FER1L6: variants seen among roughly 807,000 people sequenced by gnomAD.
The protein encoded by FER1L6 is fer-1-like protein 6.
A neutral mutation model predicts 219.2 loss-of-function variants in FER1L6; 177 were observed. The observed-to-expected ratio is 0.81, with a 90% CI of 0.71 to 0.91. The LOEUF is 0.91. FER1L6 is among the 40% of genes least tolerant of loss of function. FER1L6 has a pLI of 0.00. For missense variants in FER1L6, 2,153 were observed against 2,259.9 expected, an observed-to-expected ratio of 0.95 and a Z score of 0.96; for synonymous variants, 768 against 824.3, an observed-to-expected ratio of 0.93 and a Z score of 1.17.
At chr8:124,066,331 TG>T in intron 26 of FER1L6, 96 bp from the exon 27 acceptor site, 1 of 1,402,576 alleles carries the variant, frequency 7.1e-7, no homozygotes, top group Non-Finnish European at 9.7e-7. Context: ...TGTTTTCCAG[TG>T]GACACCTAAA....
chr8:123,923,362 C>T (rs1460007506), intron 1 of FER1L6, among the ~76,000 whole-genome samples: 1 of 152,186 alleles, frequency 6.6e-6, no homozygotes, highest in African/African-American at 2.4e-5. Flanking sequence ...CTTTGATGCC[C>T]TTGCTTTTTC....
chr8:123,898,413 T>C (rs1812785554), intron 1 of FER1L6, among the ~76,000 whole-genome samples: 1 of 151,840 alleles, frequency 6.6e-6, no homozygotes, highest in Non-Finnish European at 1.5e-5. Flanking sequence ...GTACCATATT[T>C]GTAGTCTTTT....
chr8:123,915,945 A>G (rs16893052), intron 1 of FER1L6, among the ~76,000 whole-genome samples: 25,503 of 152,172 alleles, frequency 0.17, 2,285 homozygotes, highest in African/African-American at 0.24. Flanking sequence ...GAGAATGACA[A>G]GTTCAGTAAA....
chr8:124,023,536 T>G lies in FER1L6; in HGVS notation c.2226T>G (p.Tyr742Ter). 4 of 1,614,206 alleles carry G rather than the reference T, an allele frequency of 2.5e-6. No homozygotes were observed. In the Middle Eastern group the frequency reaches 4.9e-4, roughly 200 times the overall value. ...YARIASKDLL[Y>*]SPVAGQMGKH... is the part of the protein sequence containing the mutation. Reference sequence around the variant, plus strand: ...GCATCGCCTCCAAAGACCTCCTCTATTCCCCTGTCGCGGGGCAGATGGGCA... The same window carrying G: ...GCATCGCCTCCAAAGACCTCCTCTAGTCCCCTGTCGCGGGGCAGATGGGCA... The change falls in exon 18 of 41, where the codon TAT (tyrosine) becomes TAG (stop). Residue 742 changes from tyrosine to a stop codon, truncating the protein, a stop_gained. Coordinates refer to ENST00000522917, the MANE Select transcript of FER1L6 (RefSeq NM_001039112.2). LOFTEE classifies it high-confidence loss of function.
chr8:124,077,145 C>T (rs73330143), intron 32 of FER1L6, among the ~76,000 whole-genome samples: 5,313 of 152,276 alleles, frequency 0.035, 297 homozygotes, highest in African/African-American at 0.12. Context: ...GATGGCTTAA[C>T]CTCTCTGTTC....
chr8:123,888,785 C>T (rs1817250778), intron 1 of FER1L6, among the ~76,000 whole-genome samples: 1 of 152,140 alleles, frequency 6.6e-6, no homozygotes, highest in Non-Finnish European at 1.5e-5. Flanking sequence ...AAGGCAAAAG[C>T]TATTGGATGT....
At chr8:123,953,320 A>C (rs1814856014) in intron 1 of FER1L6, among the ~76,000 whole-genome samples, 1 of 152,124 alleles carries the variant, frequency 6.6e-6, no homozygotes, top group East Asian at 1.9e-4. Flanking sequence ...CTGGAAGTTT[A>C]TTTGGCTTAC....
chr8:124,033,046 G>C (rs1819041198), intron 18 of FER1L6, among the ~76,000 whole-genome samples: 1 of 152,194 alleles, frequency 6.6e-6, no homozygotes, highest in Non-Finnish European at 1.5e-5. Context: ...TTTGGTGATA[G>C]CTTGCAGGCA....
chr8:124,083,537 A>G (rs1372222212), intron 33 of FER1L6, among the ~76,000 whole-genome samples: 1 of 152,118 alleles, frequency 6.6e-6, no homozygotes, highest in Non-Finnish European at 1.5e-5. Context: ...TTCACTGTGG[A>G]TGAATAGATT....
rs1172786002 is a variant in FER1L6, at chr8:123,852,560, T to G, written c.-8+375T>G. The stretch of plus-strand genomic sequence containing the variant: ...GAAAGAAGAGAGACTGGTAAAATTT[T>G]GGGGGATTATAGAGACAAAAAGCAT... On this transcript the variant is annotated intron_variant, in intron 1 of 40. Coordinates refer to ENST00000522917, the MANE Select transcript of FER1L6 (RefSeq NM_001039112.2). This position sits in a 1 kb window ranked among gnomAD's most constrained non-coding sequence, Gnocchi z 4.9. Among the ~76,000 whole-genome samples the G allele has an allele frequency of 6.6e-6, 1 of 151,500 alleles. No homozygotes were observed. Among genetic ancestry groups the G allele is most frequent in the East Asian group, 1.9e-4 (1 of 5,178 alleles).
At chr8:123,969,468 T>C (rs139460882) in intron 5 of FER1L6, among the ~76,000 whole-genome samples, 38 of 152,296 alleles carry the variant, frequency 2.5e-4, no homozygotes, top group Admixed American at 2.2e-3. Context: ...GATAAGATTA[T>C]AGAGAGATGG....
intron 13 of FER1L6, among the ~76,000 whole-genome samples, chr8:124,010,079 AG>A (rs1817849798): frequency 6.6e-6 from 1 of 150,688 alleles, no homozygotes; most frequent in South Asian, 2.1e-4. Context: ...TTGTAATTCG[AG>A]GGTCTGGTAG....
At chr8:123,987,582 C>G (rs1248354904) in intron 12 of FER1L6, among the ~76,000 whole-genome samples, 2 of 152,164 alleles carry the variant, frequency 1.3e-5, no homozygotes, top group African/African-American at 4.8e-5. Flanking sequence ...GTGTATTACT[C>G]AAGAAATCTT....
At chr8:123,930,234 C>T (rs1813716529) in intron 1 of FER1L6, among the ~76,000 whole-genome samples, 1 of 152,160 alleles carries the variant, frequency 6.6e-6, no homozygotes, top group African/African-American at 2.4e-5. Context: ...AATTTTATCA[C>T]ATTAGTTTGT....
intron 1 of FER1L6, among the ~76,000 whole-genome samples, chr8:123,886,280 G>A (rs1316364279): frequency 3.9e-5 from 6 of 152,172 alleles, no homozygotes; most frequent in African/African-American, 1.4e-4. Flanking sequence ...GTTGAGAGGT[G>A]TGGCCTAGTG....
chr8:124,083,867 G>A (rs1049859232), intron 33 of FER1L6, among the ~76,000 whole-genome samples: 13 of 152,198 alleles, frequency 8.5e-5, no homozygotes, highest in African/African-American at 3.1e-4. Context: ...TGGGTACTAT[G>A]GACATTTTAA....
chr8:124,079,764 G>C (rs1821456624), intron 32 of FER1L6, among the ~76,000 whole-genome samples: 1 of 152,196 alleles, frequency 6.6e-6, no homozygotes, highest in Admixed American at 6.5e-5. Flanking sequence ...GAGAGGTACA[G>C]GGGCCTTTGA....
chr8:123,933,398 GTGTC>G (rs746834324), intron 1 of FER1L6, among the ~76,000 whole-genome samples: 4,382 of 87,772 alleles, frequency 0.05, 97 homozygotes, highest in Non-Finnish European at 0.073. Context: ...GTGTGTGTGT[GTGTC>G]TGTGTGTGTG....
At chr8:124,050,815 T>C (rs1434964166) in intron 22 of FER1L6, among the ~76,000 whole-genome samples, 2 of 151,968 alleles carry the variant, frequency 1.3e-5, no homozygotes, top group Non-Finnish European at 2.9e-5. Context: ...TTTGCCCTCA[T>C]GACCTCATGA....
Sources: gnomAD v4.1 joint callset for allele counts (sites outside exome capture counted in the v4.1 genomes callset) on GRCh38, gnomAD v4.1.1 for gene constraint, Gnocchi (gnomAD v3.1) non-coding constraint, MANE v1.5 for transcripts, NCBI Gene and HGNC (gene_info 2026-07-23, HGNC 2026-07-21) for gene names.